The following EGFL7 variants were observed in gnomAD, a reference collection of about 807,000 sequenced individuals.
EGFL7 encodes the protein EGF like domain multiple 7.
EGFL7 carries 48 observed loss-of-function variants against 37.1 expected under a neutral mutation model. The observed-to-expected ratio is 1.29, with a 90% CI of 1.03 to 1.65. The LOEUF (loss-of-function observed/expected upper bound fraction) is 1.65. Ranked by LOEUF, EGFL7 falls within the 40% of genes most tolerant of loss-of-function variation. The pLI is 0.00. For synonymous variants in EGFL7, 180 were observed against 156.8 expected (o/e 1.15, Z -1.10); for missense variants, 384 against 378.9 (o/e 1.01, Z -0.11).
chr9:136,665,783 A>T (rs1845427950), intron 3 of EGFL7: 1 of 145,080 alleles, frequency 6.9e-6, no homozygotes, highest in African/African-American at 2.5e-5. Flanking sequence ...CTCGGGCGGC[A>T]GTGGCGGCGG....
chr9:136,660,832 C>T (rs1250181063), upstream of EGFL7, among the ~76,000 whole-genome samples: 6 of 152,180 alleles, frequency 3.9e-5, no homozygotes, highest in African/African-American at 1.2e-4. Context: ...CCTCCTGTGC[C>T]GAGCATCCCA....
At chr9:136,661,995 C>T (rs992751453), upstream of EGFL7, among the ~76,000 whole-genome samples, 5 of 152,216 alleles carry the variant, frequency 3.3e-5, no homozygotes, top group African/African-American at 1.2e-4. Flanking sequence ...CCCTTCGGCA[C>T]CGTGTCCCCT....
At position 136,670,302 on chromosome 9, in the gene EGFL7, G is replaced by GC. The variant is rs878890965; in HGVS notation, c.549dup (p.Arg184GlnfsTer100). On this transcript the variant is annotated frameshift_variant, in exon 8 of 11. Transcript: ENST00000308874. LOFTEE classifies it high-confidence loss of function. ...GTACACTCTGTGTGCCCAAGGGAGG[G>GC]CCCCCCAGGGTGGCCCCCAACCCGA... is the stretch of plus-strand genomic sequence containing the variant. 8 of 1,595,852 alleles carry GC rather than the reference G, an allele frequency of 5.0e-6. No homozygotes were observed. Among genetic ancestry groups the GC allele is most frequent in the East Asian group, 2.3e-5 (1 of 44,122 alleles).
rs1402058941 is a variant in EGFL7 at position 136,666,080 on chromosome 9, C to T, written c.-43+1295C>T. Among the ~76,000 whole-genome samples, 1 of 145,138 alleles carries T rather than the reference C, an allele frequency of 6.9e-6. No individual in the cohort carries two copies. Among genetic ancestry groups the T allele is most frequent in the African/African-American group, 2.5e-5 (1 of 40,296 alleles). On this transcript the variant is annotated intron_variant, in intron 3 of 10. Transcript: ENST00000308874. The surrounding 1 kb of genome is among the most constrained non-coding windows in gnomAD (Gnocchi z 6.8). ...CCCCTGCCGGCGGCGGGCGGGCGGGCGGCGCGGCGGGGAGGGCCGGGGTCG... is the reference window on the plus strand; with the variant it reads ...CCCCTGCCGGCGGCGGGCGGGCGGGTGGCGCGGCGGGGAGGGCCGGGGTCG...
In EGFL7 at chr9:136,670,256, G is replaced by A. The variant is rs764307052; in HGVS notation, c.497G>A (p.Gly166Glu). 18 of 1,612,304 alleles carry A rather than the reference G, an allele frequency of 1.1e-5. No homozygotes were observed. Among genetic ancestry groups the A allele is most frequent in the Middle Eastern group, 1.6e-4 (1 of 6,062 alleles). ...AGTTACTGGTGCCAGTGTTGGGAGGGGCACAGCCTGTCTGCAGACGGTACA... is the reference window on the plus strand; with the variant it reads ...AGTTACTGGTGCCAGTGTTGGGAGGAGCACAGCCTGTCTGCAGACGGTACA... ...AGSYWCQCWEGHSLSADGTLC... is the reference protein window; with the variant it reads ...AGSYWCQCWEEHSLSADGTLC... The change falls in exon 8 of 11, where the codon GGG becomes GAG. Residue 166 changes from glycine to glutamate, a missense_variant. Transcript: ENST00000308874.
At chr9:136,668,535 G>C (rs746343047) in intron 4 of EGFL7, 22 bp from the exon 5 acceptor site, 2 of 1,603,408 alleles carry the variant, frequency 1.2e-6, no homozygotes, top group Admixed American at 3.3e-5. Flanking sequence ...CTCCTGGGCT[G>C]ACCCCCTCTC....
chr9:136,670,562 G>A (rs1362670000), intron 8 of EGFL7: 1 of 789,314 alleles, frequency 1.3e-6, no homozygotes, highest in East Asian at 2.4e-5. Flanking sequence ...CCGGGGTCCT[G>A]TCTGCATCCA....
At chr9:136,668,831 G>A (rs1478299994) in intron 5 of EGFL7, among the ~76,000 whole-genome samples, 158 bp downstream of exon 5, 9 of 152,116 alleles carry the variant, frequency 5.9e-5, no homozygotes, top group East Asian at 3.9e-4. Flanking sequence ...GACCCAGGGC[G>A]GCCGGAGCCA....
chr9:136,666,000 C>T (rs898505785), intron 3 of EGFL7, among the ~76,000 whole-genome samples: 1 of 144,994 alleles, frequency 6.9e-6, no homozygotes, highest in East Asian at 2.0e-4. Context: ...GGGGCGCCCG[C>T]GGCTGGGTCG....
chr9:136,669,811 G>T, intron 6 of EGFL7, 90 bp downstream of exon 6: 1 of 1,439,148 alleles, frequency 6.9e-7, no homozygotes, highest in Non-Finnish European at 9.4e-7. Flanking sequence ...CTTGAACCCC[G>T]AGCAAAGCAC....
chr9:136,664,794 C>T lies in EGFL7; in HGVS notation c.-43+9C>T, dbSNP rs1845356240. 1 of 152,320 alleles carries T rather than the reference C, an allele frequency of 6.6e-6. No individual in the cohort carries two copies. The highest frequency in any genetic ancestry group is 2.1e-4 in the South Asian group (1 of 4,838). 9.4% of individuals were successfully genotyped at this position (152,320 alleles called of 1,614,324 possible). On this transcript the variant is annotated intron_variant, in intron 3 of 10. Coordinates refer to ENST00000308874, the MANE Select transcript of EGFL7 (RefSeq NM_016215.5). ...TGATTCTCCTCCGCCAGGTGAGTCC[C>T]AGCAAACCCCTTGCTCCGAGGGAAC...
At chr9:136,671,087 G>GGGGA in intron 9 of EGFL7, 73 bp downstream of exon 9, 1 of 1,282,626 alleles carries the variant, frequency 7.8e-7, no homozygotes, top group South Asian at 1.3e-5. Flanking sequence ...AGGTGTGGAG[G>GGGGA]GGCAGGCAGT....
chr9:136,660,823 C>T (rs1483424042), upstream of EGFL7, among the ~76,000 whole-genome samples: 1 of 152,192 alleles, frequency 6.6e-6, no homozygotes, highest in Admixed American at 6.5e-5. Flanking sequence ...GTGAGGCAGC[C>T]TCCTGTGCCG....
In EGFL7 at chr9:136,672,096, C is replaced by T. The variant is rs201744588; in HGVS notation, c.799+8C>T. ...AGGAGCAGCTGGGGTCCTGTGAGTG[C>T]CCCCACCCTCCAGAGCCCTCCTCCC... On this transcript the variant is annotated splice_region_variant and intron_variant, in intron 10 of 10. Transcript: ENST00000308874. The T allele has an allele frequency of 5.8e-6, 9 of 1,545,822 alleles. No homozygotes were observed. Among genetic ancestry groups the T allele is most frequent in the Admixed American group, 3.9e-5 (2 of 50,970 alleles).
chr9:136,666,200 C>T lies in EGFL7; in HGVS notation c.-43+1415C>T, dbSNP rs1399134451. Among the ~76,000 whole-genome samples, 1 of 150,942 alleles carries T rather than the reference C, an allele frequency of 6.6e-6. No homozygotes were observed. The highest frequency in any genetic ancestry group is 1.5e-5 in the Non-Finnish European group (1 of 67,494). On this transcript the variant is annotated intron_variant, in intron 3 of 10. Transcript: ENST00000308874. The surrounding 1 kb of genome is among the most constrained non-coding windows in gnomAD (Gnocchi z 6.8). ...CCCGCGAACCCCGGAGCCAGCAGCGCGGCTGGGAGGGGGCGGCGGGCAGGT... is the reference window on the plus strand; with the variant it reads ...CCCGCGAACCCCGGAGCCAGCAGCGTGGCTGGGAGGGGGCGGCGGGCAGGT...
intron 3 of EGFL7, among the ~76,000 whole-genome samples, chr9:136,667,092 G>A (rs1203472702): frequency 6.6e-6 from 1 of 152,238 alleles, no homozygotes; most frequent in Non-Finnish European, 1.5e-5. Context: ...GTGGGAAGCA[G>A]GTGTGGGATC....
intron 5 of EGFL7, 111 bp downstream of exon 5, chr9:136,668,784 T>A: frequency 9.8e-7 from 1 of 1,020,900 alleles, no homozygotes; most frequent in Non-Finnish European, 1.5e-6. Context: ...GATGGGAAAC[T>A]GAGGCCAGAG....
intron 6 of EGFL7, 51 bp from the exon 7 acceptor site, chr9:136,669,863 C>T (rs372597605): frequency 2.0e-6 from 3 of 1,507,114 alleles, no homozygotes; most frequent in African/African-American, 2.8e-5. Flanking sequence ...GCTGCCCCCA[C>T]AGGGTGCTGG....
chr9:136,660,400 T>G (rs1845071116), upstream of EGFL7: 1 of 152,400 alleles, frequency 6.6e-6, no homozygotes, highest in Non-Finnish European at 1.5e-5. Context: ...AGGGCAAAGC[T>G]GGCACTCTGG....
Sources: gnomAD v4.1 joint callset for allele counts (sites outside exome capture counted in the v4.1 genomes callset) on GRCh38, gnomAD v4.1.1 for gene constraint, Gnocchi (gnomAD v3.1) non-coding constraint, MANE v1.5 for transcripts, NCBI Gene and HGNC (gene_info 2026-07-23, HGNC 2026-07-21) for gene names.